The following OR14A2 variants were observed in gnomAD, a reference collection of about 807,000 sequenced individuals.
OR14A2 encodes olfactory receptor family 14 subfamily A member 2.
For missense variants in OR14A2, 237 were observed against 152.9 expected (o/e 1.55, Z -2.90); for synonymous variants, 114 against 58.6 (o/e 1.95, Z -4.32).
At chr1:247,739,425 C>T in the OR14A2 span, 1 of 780,796 alleles carries the variant, frequency 1.3e-6, no homozygotes, top group East Asian at 2.4e-5. Flanking sequence ...TCTAGACTTG[C>T]TGGTGTCTGT....
upstream of OR14A2, among the ~76,000 whole-genome samples, chr1:247,725,981 G>T (rs1246184978): frequency 7.0e-6 from 1 of 142,950 alleles, no homozygotes; most frequent in Non-Finnish European, 1.5e-5. Context: ...GAATAATGCC[G>T]CAGTAAACAT....
chr1:247,744,470 C>T, the OR14A2 span, among the ~76,000 whole-genome samples: 1 of 152,052 alleles, frequency 6.6e-6, no homozygotes, highest in Non-Finnish European at 1.5e-5. The surrounding 1 kb of genome is among the most constrained non-coding windows in gnomAD (Gnocchi z 4.3). Flanking sequence ...CTAAGAAGAA[C>T]ACTAATTTTC....
At chr1:247,732,558 G>A in the OR14A2 span, among the ~76,000 whole-genome samples, 2 of 152,114 alleles carry the variant, frequency 1.3e-5, no homozygotes, top group Non-Finnish European at 2.9e-5. Context: ...TAGCAAAACC[G>A]AGCATGGCCT....
the OR14A2 span, among the ~76,000 whole-genome samples, chr1:247,732,672 A>T: frequency 1.3e-5 from 2 of 152,204 alleles, no homozygotes; most frequent in Admixed American, 6.5e-5. Flanking sequence ...AGTTTTATTT[A>T]TAATCACCAA....
chr1:247,740,029 C>T, the OR14A2 span, among the ~76,000 whole-genome samples: 7,897 of 152,222 alleles, frequency 0.052, 276 homozygotes, highest in Middle Eastern at 0.13. Context: ...TACTTCTTCA[C>T]TTGACATCTG....
At chr1:247,725,048 G>A (rs1182516431), upstream of OR14A2, among the ~76,000 whole-genome samples, 1 of 151,738 alleles carries the variant, frequency 6.6e-6, no homozygotes, top group Non-Finnish European at 1.5e-5. Flanking sequence ...TTTCCTAGGA[G>A]CTTTGTGTTG....
At chr1:247,746,419 C>A in the OR14A2 span, 1 of 152,224 alleles carries the variant, frequency 6.6e-6, no homozygotes, top group East Asian at 1.9e-4. Flanking sequence ...GGTGTGAAAT[C>A]GGTTTTTATA....
the OR14A2 span, chr1:247,738,990 T>C: frequency 2.6e-6 from 2 of 780,790 alleles, no homozygotes; most frequent in South Asian, 2.7e-5. Flanking sequence ...TGCCATCTGC[T>C]GCCCCCTACA....
At chr1:247,740,093 C>G in the OR14A2 span, among the ~76,000 whole-genome samples, 1 of 152,308 alleles carries the variant, frequency 6.6e-6, no homozygotes, top group East Asian at 1.9e-4. Flanking sequence ...ATGATTTTTA[C>G]TCTTGTTCTG....
the OR14A2 span, among the ~76,000 whole-genome samples, chr1:247,735,724 T>G: frequency 0.041 from 6,294 of 152,122 alleles, 165 homozygotes; most frequent in Middle Eastern, 0.11. Context: ...ACAAAAGAAA[T>G]AAATACTGAT....
chr1:247,738,719 G>T, the OR14A2 span: 3 of 780,726 alleles, frequency 3.8e-6, no homozygotes, highest in East Asian at 7.3e-5. Flanking sequence ...TCTACCTCAC[G>T]GCTGTGCTGA....
the OR14A2 span, among the ~76,000 whole-genome samples, chr1:247,730,910 C>G: frequency 1.3e-5 from 2 of 152,014 alleles, no homozygotes; most frequent in Non-Finnish European, 2.9e-5. Flanking sequence ...ACTCAGTCTA[C>G]TATTTCAAAT....
the OR14A2 span, among the ~76,000 whole-genome samples, chr1:247,742,664 A>C: frequency 6.6e-6 from 1 of 152,372 alleles, no homozygotes; most frequent in African/African-American, 2.4e-5. Flanking sequence ...TAATCAATCA[A>C]TATGATAAAA....
the OR14A2 span, chr1:247,746,776 C>G: frequency 6.6e-6 from 1 of 152,196 alleles, no homozygotes; most frequent in African/African-American, 2.4e-5. Flanking sequence ...CCCAAAAGCA[C>G]ATTTCTCAGA....
At chr1:247,745,628 TACAGG>T in the OR14A2 span, among the ~76,000 whole-genome samples, 1 of 152,038 alleles carries the variant, frequency 6.6e-6, no homozygotes, top group Non-Finnish European at 1.5e-5. Context: ...GCATGAGACC[TACAGG>T]ACCTAAATTT....
At chr1:247,744,489 A>T in the OR14A2 span, among the ~76,000 whole-genome samples, 1 of 152,148 alleles carries the variant, frequency 6.6e-6, no homozygotes, top group South Asian at 2.1e-4. The surrounding 1 kb of genome is among the most constrained non-coding windows in gnomAD (Gnocchi z 4.3). Flanking sequence ...TCTTTGGGAC[A>T]AATTGGTTAG....
chr1:247,723,842 C>T (rs919533720), exon 1 of OR14A2: 3 of 717,464 alleles, frequency 4.2e-6, no homozygotes, highest in South Asian at 1.5e-5. Flanking sequence ...AGGAAGACAT[C>T]CAAAAAGGAT....
chr1:247,742,462 ACACACACG>A, the OR14A2 span, among the ~76,000 whole-genome samples: 1 of 151,338 alleles, frequency 6.6e-6, no homozygotes, highest in African/African-American at 2.4e-5. Context: ...GATAATACAC[ACACACACG>A]CACACACACA....
downstream of OR14A2, chr1:247,723,030 C>G (rs2103198839): frequency 1.6e-6 from 1 of 617,680 alleles, no homozygotes; most frequent in South Asian, 2.1e-5. Context: ...CAGGTCTTTC[C>G]AAAGTTACAA....
Sources: allele counts gnomAD v4.1 joint callset (sites outside exome capture counted in the v4.1 genomes callset), GRCh38; gene constraint gnomAD v4.1.1; non-coding constraint Gnocchi (gnomAD v3.1); transcripts MANE v1.5; gene names NCBI Gene and HGNC (gene_info 2026-07-23, HGNC 2026-07-21).